Variants in GNG2 observed in about 807,000 individuals in gnomAD.
GNG2 encodes the protein G protein subunit gamma 2, also known as guanine nucleotide-binding protein G(I)/G(S)/G(O) subunit gamma-2.
In GNG2, 5 loss-of-function variants were observed where a neutral mutation model predicts 5.5. That is an observed-to-expected ratio of 0.91 (90% CI 0.48 to 1.92). The LOEUF (loss-of-function observed/expected upper bound fraction) is 1.92, where lower values mean the gene tolerates loss of function less well. Among genes scored for constraint, GNG2 ranks in the 30% most tolerant of loss-of-function variants. The pLI is 0.01. For synonymous variants in GNG2, 28 were observed against 32.0 expected (o/e 0.88, Z 0.42); for missense variants, 55 against 88.4 (o/e 0.62, Z 1.52).
rs558344695 is a variant in GNG2, at chr14:51,927,661, A to G, written c.-29-22989A>G. Among the ~76,000 whole-genome samples, 10 of 152,320 alleles carry G rather than the reference A, an allele frequency of 6.6e-5. No individual in the cohort carries two copies. The East Asian group carries it at 1.2e-3, about 18-fold the overall frequency. On this transcript the variant is annotated intron_variant, in intron 2 of 3. Coordinates refer to ENST00000556766, the MANE Select transcript of GNG2 (RefSeq NM_053064.5). The stretch of plus-strand genomic sequence containing the variant: ...CCCTGTTTTATCCCTAGCTCCAAGC[A>G]CTGCCTGGTACATTAAATAGGCAAG...
intron 1 of GNG2, among the ~76,000 whole-genome samples, chr14:51,875,750 A>G (rs1229893025): frequency 1.3e-5 from 2 of 150,728 alleles, no homozygotes; most frequent in Non-Finnish European, 3.0e-5. Context: ...AAAATTGTTG[A>G]GTTCACACTA....
intron 2 of GNG2, among the ~76,000 whole-genome samples, chr14:51,930,447 G>A (rs911594898): frequency 6.6e-6 from 1 of 152,172 alleles, no homozygotes; most frequent in Admixed American, 6.5e-5. Context: ...GGGTTTCTTA[G>A]TGCAAGCTCT....
At chr14:51,838,563 G>A (rs964593343) in intron 2 of GNG2, among the ~76,000 whole-genome samples, 12 of 152,128 alleles carry the variant, frequency 7.9e-5, no homozygotes, top group Non-Finnish European at 1.2e-4. Flanking sequence ...TACTTAGGAA[G>A]TCCTTGTTCC....
intron 1 of GNG2, among the ~76,000 whole-genome samples, chr14:51,870,141 G>C (rs560361027): frequency 6.6e-6 from 1 of 151,936 alleles, no homozygotes; most frequent in African/African-American, 2.4e-5. Flanking sequence ...ACATTGAATT[G>C]AACAAAGTTT....
At chr14:51,936,530 T>TG (rs1491397734) in intron 2 of GNG2, among the ~76,000 whole-genome samples, 1 of 150,154 alleles carries the variant, frequency 6.7e-6, no homozygotes, top group Non-Finnish European at 1.5e-5. Context: ...TTTTTTTTTT[T>TG]ACTCCATTGA....
intron 2 of GNG2, chr14:51,918,428 T>A (rs113670798): frequency 6.6e-6 from 1 of 152,140 alleles, no homozygotes; most frequent in Non-Finnish European, 1.5e-5. Flanking sequence ...TGTGTCTTGA[T>A]AAAATACGGC....
At chr14:51,858,495 A>G (rs7147543), upstream of GNG2, among the ~76,000 whole-genome samples, 64,243 of 151,990 alleles carry the variant, frequency 0.42, 14,285 homozygotes, top group South Asian at 0.51. Context: ...ATAAATACCA[A>G]CCTATATAGG....
chr14:51,948,162 A>C (rs1680422720), intron 2 of GNG2, among the ~76,000 whole-genome samples: 3 of 152,224 alleles, frequency 2.0e-5, no homozygotes, highest in Non-Finnish European at 4.4e-5. Flanking sequence ...TTAGTCATGT[A>C]ACTATACCTA....
intron 2 of GNG2, among the ~76,000 whole-genome samples, chr14:51,899,115 C>G (rs972877506): frequency 1.3e-5 from 2 of 152,132 alleles, no homozygotes; most frequent in African/African-American, 4.8e-5. Context: ...TTTAACACCA[C>G]CCTGTCTCTA....
intron 2 of GNG2, chr14:51,917,221 C>T (rs1294006316): frequency 2.6e-6 from 1 of 377,838 alleles, no homozygotes; most frequent in East Asian, 7.3e-5. Context: ...AGTGAAAAGT[C>T]CCCAAATGTT....
Position 51,966,812 on chromosome 14 carries a change from T to A in GNG2, c.*125T>A. ...GCGAGGAGAACCATTCTGGAAACTC[T>A]AGGCTATGCATGTTTAAAGATCTGG... On this transcript the variant is annotated 3_prime_UTR_variant, in exon 4 of 4. Transcript: ENST00000556766. 1 of 781,224 alleles carries A rather than the reference T, an allele frequency of 1.3e-6. No homozygotes were observed. Among genetic ancestry groups the A allele is most frequent in the Non-Finnish European group, 2.1e-6 (1 of 468,434 alleles). The allele number at this position is 781,224 out of a possible 1,614,324, so 48.4% of individuals were successfully genotyped here.
chr14:51,966,489 G>A (rs1332965994), intron 3 of GNG2, 70 bp from the exon 4 acceptor site: 15 of 1,348,260 alleles, frequency 1.1e-5, no homozygotes, highest in Non-Finnish European at 1.4e-5. Flanking sequence ...AGGACATTGG[G>A]CTCTAAAGCC....
At chr14:51,896,210 G>A (rs560362354) in intron 2 of GNG2, among the ~76,000 whole-genome samples, 20 of 152,254 alleles carry the variant, frequency 1.3e-4, no homozygotes, top group African/African-American at 3.6e-4. Context: ...CCATAGACCC[G>A]TTGCAGAATA....
intron 2 of GNG2, among the ~76,000 whole-genome samples, chr14:51,908,945 TTATAAAG>T (rs1457478223): frequency 6.6e-6 from 1 of 151,988 alleles, no homozygotes; most frequent in African/African-American, 2.4e-5. Context: ...TAAAATACAC[TTATAAAG>T]TATAAATAAT....
At chr14:51,950,084 A>C (rs1888884473) in intron 2 of GNG2, among the ~76,000 whole-genome samples, 2 of 152,238 alleles carry the variant, frequency 1.3e-5, no homozygotes, top group Non-Finnish European at 2.9e-5. Flanking sequence ...TTTATAAAAG[A>C]AATCAGTTAA....
At chr14:51,868,622 G>C (rs190333784) in intron 1 of GNG2, among the ~76,000 whole-genome samples, 36 of 152,300 alleles carry the variant, frequency 2.4e-4, no homozygotes, top group African/African-American at 7.9e-4. Context: ...GGCGAAGGGG[G>C]CTTGTGGAGA....
intron 2 of GNG2, among the ~76,000 whole-genome samples, chr14:51,837,555 C>T (rs1370988853): frequency 6.7e-6 from 1 of 150,366 alleles, no homozygotes; most frequent in Admixed American, 6.7e-5. Flanking sequence ...GCTGAGGCAG[C>T]AGAATCTCTT....
chr14:51,827,131 TA>T lies in GNG2; in HGVS notation c.-76-533del, dbSNP rs535361392. Among the ~76,000 whole-genome samples the T allele has an allele frequency of 1.4e-4, 21 of 152,228 alleles. No individual in the cohort carries two copies. In the East Asian group the frequency reaches 3.9e-3, roughly 28 times the overall value. Reference sequence around the variant, plus strand: ...TATGTAGAATAATCTGGGGATCTTTTAAAAGTTCCAAAGCCCAAGCCACATC... The same window carrying T: ...TATGTAGAATAATCTGGGGATCTTTTAAAGTTCCAAAGCCCAAGCCACATC... On this transcript the variant is annotated intron_variant, in intron 1 of 3. Transcript: ENST00000553432.
chr14:51,969,083 A>G lies in GNG2; in HGVS notation c.*2396A>G, dbSNP rs183790269. On this transcript the variant is annotated 3_prime_UTR_variant, in exon 4 of 4. Transcript: ENST00000556766. Reference sequence around the variant, plus strand: ...AAGTCTTTCGATTACTTATGCCTCTATAGAGCTTAATTTCTTGAGAAATTC... The same window carrying G: ...AAGTCTTTCGATTACTTATGCCTCTGTAGAGCTTAATTTCTTGAGAAATTC... 1 of 152,298 alleles carries G rather than the reference A, an allele frequency of 6.6e-6. No individual in the cohort carries two copies. Among genetic ancestry groups the G allele is most frequent in the Admixed American group, 6.5e-5 (1 of 15,300 alleles). 9.4% of individuals were successfully genotyped at this position (152,298 alleles called of 1,614,324 possible).
Sources: gnomAD v4.1 joint callset for allele counts (sites outside exome capture counted in the v4.1 genomes callset) on GRCh38, gnomAD v4.1.1 for gene constraint, MANE v1.5 for transcripts, NCBI Gene and HGNC (gene_info 2026-07-23, HGNC 2026-07-21) for gene names.